The following PLPPR4 variants were observed in gnomAD, a reference collection of about 807,000 sequenced individuals.
PLPPR4 encodes the protein phospholipid phosphatase related 4.
In PLPPR4, 24 loss-of-function variants were observed where a neutral mutation model predicts 56.6. That is an observed-to-expected ratio of 0.42 (90% CI 0.31 to 0.60). The LOEUF is 0.60. Among genes scored for constraint, PLPPR4 ranks in the 20% least tolerant of loss-of-function variants. The pLI is 0.13. For synonymous variants in PLPPR4, 326 were observed against 328.1 expected (o/e 0.99, Z 0.07); for missense variants, 654 against 885.8 (o/e 0.74, Z 3.32).
At chr1:99,264,788 C>A in intron 1 of PLPPR4, 117 bp downstream of exon 1, 3 of 1,051,156 alleles carry the variant, frequency 2.9e-6, no homozygotes, top group Non-Finnish European at 2.8e-6. Flanking sequence ...CGGCTGTCCC[C>A]AAATGCCCGA....
At chr1:99,280,189 A>G (rs1193556214) in intron 1 of PLPPR4, among the ~76,000 whole-genome samples, 1 of 152,132 alleles carries the variant, frequency 6.6e-6, no homozygotes, top group Non-Finnish European at 1.5e-5. Context: ...AAGAATTTTG[A>G]GCATGTTTCC....
chr1:99,266,557 C>A (rs1658904278), intron 1 of PLPPR4, among the ~76,000 whole-genome samples: 3 of 152,212 alleles, frequency 2.0e-5, no homozygotes, highest in Non-Finnish European at 4.4e-5. Context: ...TACTTCTTTT[C>A]CATGAGTGGA....
chr1:99,276,104 C>A (rs570062734), intron 1 of PLPPR4, among the ~76,000 whole-genome samples: 72 of 152,230 alleles, frequency 4.7e-4, no homozygotes, highest in African/African-American at 1.7e-3. Context: ...ATACACCAAG[C>A]CTTTTCAAAA....
intron 2 of PLPPR4, among the ~76,000 whole-genome samples, chr1:99,295,143 T>A (rs1411853221): frequency 6.6e-6 from 1 of 152,230 alleles, no homozygotes; most frequent in African/African-American, 2.4e-5. Flanking sequence ...TGAAATGAAT[T>A]ACTTTTGATT....
At chr1:99,301,592 A>G in intron 5 of PLPPR4, 132 bp from the exon 6 acceptor site, 1 of 561,684 alleles carries the variant, frequency 1.8e-6, no homozygotes, top group Non-Finnish European at 3.1e-6. Context: ...GGCACAGAAC[A>G]TAGCCATAGG....
At chr1:99,267,849 T>A (rs942469957) in intron 1 of PLPPR4, among the ~76,000 whole-genome samples, 1 of 152,232 alleles carries the variant, frequency 6.6e-6, no homozygotes, top group East Asian at 1.9e-4. Context: ...TTACAGTTTG[T>A]ACAAGAATAA....
At chr1:99,271,899 A>AGTGTGT (rs553822029) in intron 1 of PLPPR4, among the ~76,000 whole-genome samples, 40 of 118,048 alleles carry the variant, frequency 3.4e-4, no homozygotes, top group Admixed American at 6.2e-4. Context: ...GTAGGAGTGA[A>AGTGTGT]GTGTGTGTGT....
rs1180797591 is a variant in PLPPR4 at position 99,307,795 on chromosome 1, G to GAGTAAA, written c.*785_*786insAGTAAA. On this transcript the variant is annotated 3_prime_UTR_variant, in exon 7 of 7. Transcript: ENST00000370185. ...AAGTATAGGTACTGCTAATGAATCT[G>GAGTAAA]TTTTCTTAGTGAGTAAATTTGCATA... 5.9e-5 allele frequency: 9 copies of GAGTAAA among 152,052 alleles called. No individual in the cohort carries two copies. The highest frequency in any genetic ancestry group is 2.2e-4 in the African/African-American group (9 of 41,418). 9.4% of individuals were successfully genotyped at this position (152,052 alleles called of 1,614,324 possible). A position where few individuals can be genotyped will look rare whatever the true frequency, so the allele number is the denominator to read the frequency against.
Position 99,300,921 on chromosome 1 carries a change from T to C in PLPPR4, c.603T>C (p.Pro201=). 6.2e-7 allele frequency: 1 copy of C among 1,612,338 alleles called. No homozygotes were observed. Among genetic ancestry groups the C allele is most frequent in the Non-Finnish European group, 8.5e-7 (1 of 1,178,610 alleles). Residue 201 remains proline, a synonymous_variant, in exon 5 of 7, where the codon CCT becomes CCC. Coordinates refer to ENST00000370185, the MANE Select transcript of PLPPR4 (RefSeq NM_014839.5). ...CTTCTTTTGGCAGAAAGTCCTTCCC[T>C]TCTCAACATGCAACCCTTGCTGCCT... ...TVINSGRKSF[P]SQHATLAAFA...
Position 99,306,951 on chromosome 1 carries a change from G to A in PLPPR4, c.2089G>A (p.Glu697Lys). The change falls in exon 7 of 7, where the codon GAA becomes AAA. Residue 697 changes from glutamate to lysine, a missense_variant. Coordinates refer to ENST00000370185, the MANE Select transcript of PLPPR4 (RefSeq NM_014839.5). The surrounding 1 kb of genome is among the most constrained non-coding windows in gnomAD (Gnocchi z 4.0). The stretch of plus-strand genomic sequence containing the variant: ...AATCCCTGAAAGAAGCAACAGCCCC[G>A]AAAACACTAGAAATATCTTCTACAA... Reference protein sequence around the residue: ...ILIPERSNSPENTRNIFYKGT... With the variant: ...ILIPERSNSPKNTRNIFYKGT... The A allele has an allele frequency of 6.2e-7, 1 of 1,612,760 alleles. No homozygotes were observed.
intron 1 of PLPPR4, among the ~76,000 whole-genome samples, chr1:99,281,946 T>C (rs141515175): frequency 1.3e-5 from 2 of 152,282 alleles, no homozygotes; most frequent in East Asian, 1.9e-4. Flanking sequence ...ACATTACTTA[T>C]ATCAAAACTA....
rs904846273 is a variant in PLPPR4 at position 99,265,150 on chromosome 1, C to T, written c.78+479C>T. On this transcript the variant is annotated intron_variant, in intron 1 of 6. Transcript: ENST00000370185. ...AATTGCTTTTATTGCTCCTGCCCCC[C>T]CCCCCCAAATCCTTCTCCTATTATA... Among the ~76,000 whole-genome samples, 37 of 148,000 alleles carry T rather than the reference C, an allele frequency of 2.5e-4. No homozygotes were observed. The East Asian group carries it at 6.8e-3, about 27-fold the overall frequency.
Position 99,265,944 on chromosome 1 carries a change from G to A in PLPPR4, c.78+1273G>A, listed in dbSNP as rs147218990. The stretch of plus-strand genomic sequence containing the variant: ...CATAACTTTCAGAGAAATGATGGGT[G>A]ACCCCTGCATTCATGAACCATAGAA... On this transcript the variant is annotated intron_variant, in intron 1 of 6. Transcript: ENST00000370185. Among the ~76,000 whole-genome samples the A allele has an allele frequency of 5.3e-4, 80 of 152,150 alleles. 1 individual carries two copies. In the East Asian group the frequency reaches 0.014, roughly 28 times the overall value.
At chr1:99,287,939 T>C (rs755841046) in intron 1 of PLPPR4, 26 bp from the exon 2 acceptor site, 16 of 1,587,692 alleles carry the variant, frequency 1.0e-5, no homozygotes, top group Admixed American at 8.5e-5. Context: ...TAGAATAAAT[T>C]GATCTTCTTT....
At chr1:99,269,250 T>A (rs1021172078) in intron 1 of PLPPR4, among the ~76,000 whole-genome samples, 2 of 152,264 alleles carry the variant, frequency 1.3e-5, no homozygotes, top group African/African-American at 4.8e-5. Flanking sequence ...GCAAAGGACA[T>A]GAAGTCATCC....
chr1:99,273,123 A>T (rs778422353), intron 1 of PLPPR4, among the ~76,000 whole-genome samples: 37 of 152,142 alleles, frequency 2.4e-4, no homozygotes, highest in Non-Finnish European at 5.0e-4. Flanking sequence ...CAAGGATAGA[A>T]ATACTAATTT....
chr1:99,286,436 G>C (rs1024898951), intron 1 of PLPPR4, among the ~76,000 whole-genome samples: 3 of 152,094 alleles, frequency 2.0e-5, no homozygotes, highest in African/African-American at 7.2e-5. Context: ...ACTTCATAGA[G>C]CACTTATTTC....
chr1:99,287,784 C>CTG (rs1362549284), intron 1 of PLPPR4, among the ~76,000 whole-genome samples, 181 bp from the exon 2 acceptor site: 1 of 152,040 alleles, frequency 6.6e-6, no homozygotes, highest in African/African-American at 2.4e-5. Flanking sequence ...GCGTAACAGG[C>CTG]TGTGACTAAG....
rs1448019095 is a variant in PLPPR4 at position 99,264,504 on chromosome 1, G to T, written c.-90G>T. On this transcript the variant is annotated 5_prime_UTR_variant, in exon 1 of 7. Transcript: ENST00000370185. ...CGGGGAATGTGACATCAGCGGCGCC[G>T]GGCGCTTGGGGCTGGAGGAGGCAGC... 6.5e-7 allele frequency: 1 copy of T among 1,541,970 alleles called. No individual in the cohort carries two copies. The highest frequency in any genetic ancestry group is 2.4e-5 in the East Asian group (1 of 41,234).
Sources: gnomAD v4.1 joint callset for allele counts (sites outside exome capture counted in the v4.1 genomes callset) on GRCh38, gnomAD v4.1.1 for gene constraint, Gnocchi (gnomAD v3.1) non-coding constraint, MANE v1.5 for transcripts, NCBI Gene and HGNC (gene_info 2026-07-23, HGNC 2026-07-21) for gene names.